The following ARHGAP35 variants were observed in gnomAD, a reference collection of about 807,000 sequenced individuals.
The protein encoded by ARHGAP35 is Rho GTPase activating protein 35.
In ARHGAP35, 15 loss-of-function variants were observed where a neutral mutation model predicts 111.1. The observed-to-expected ratio is 0.13, with a 90% CI of 0.09 to 0.21. The LOEUF (loss-of-function observed/expected upper bound fraction) is 0.21, where lower values mean the gene tolerates loss of function less well. ARHGAP35 is among the 10% of genes least tolerant of loss of function. ARHGAP35 has a pLI of 1.00. For missense variants in ARHGAP35, 1,262 were observed against 1,873.0 expected (o/e 0.67, Z 6.02); for synonymous variants, 643 against 710.3 (o/e 0.91, Z 1.51).
intron 2 of ARHGAP35, among the ~76,000 whole-genome samples, chr19:46,928,770 A>G (rs1334462242): frequency 2.6e-5 from 4 of 152,146 alleles, no homozygotes; most frequent in Non-Finnish European, 5.9e-5. Flanking sequence ...CGTCTCTACA[A>G]AAAATACAAA....
intron 1 of ARHGAP35, among the ~76,000 whole-genome samples, chr19:46,878,269 C>T (rs370333672): frequency 1.3e-5 from 2 of 152,222 alleles, no homozygotes; most frequent in African/African-American, 4.8e-5. Context: ...GTGATCCACC[C>T]ACCTCGGCTT....
At chr19:46,891,838 AAAG>A (rs2056025495) in intron 1 of ARHGAP35, among the ~76,000 whole-genome samples, 1 of 152,136 alleles carries the variant, frequency 6.6e-6, no homozygotes, top group Non-Finnish European at 1.5e-5. Flanking sequence ...TTAACTGCCA[AAAG>A]ATTAAGAATT....
At chr19:46,863,808 C>T (rs998669363) in intron 1 of ARHGAP35, among the ~76,000 whole-genome samples, 2 of 152,196 alleles carry the variant, frequency 1.3e-5, no homozygotes, top group Non-Finnish European at 2.9e-5. Context: ...TCCCTAATGG[C>T]CTCTGGTTTG....
chr19:46,895,165 CTTT>C (rs942875389), intron 1 of ARHGAP35, among the ~76,000 whole-genome samples: 5 of 136,610 alleles, frequency 3.7e-5, no homozygotes, highest in Admixed American at 7.4e-5. Context: ...AGGGCAAAAT[CTTT>C]TTTTTTTTTT....
chr19:46,902,477 A>G (rs1408613194), intron 1 of ARHGAP35, among the ~76,000 whole-genome samples: 1 of 152,126 alleles, frequency 6.6e-6, no homozygotes, highest in East Asian at 1.9e-4. Flanking sequence ...GGAGCGGAGA[A>G]AGGGGTGTGA....
rs569399387 is a variant in ARHGAP35 at position 46,861,894 on chromosome 19, C to T, written c.-189+685C>T. 3.5e-5 allele frequency among the ~76,000 whole-genome samples: 5 copies of T among 143,588 alleles called. No individual in the cohort carries two copies. The South Asian group carries it at 1.1e-3, about 32-fold the overall frequency. 94.2% of individuals were successfully genotyped at this position (143,588 alleles called of 152,430 possible). A position where few individuals can be genotyped will look rare whatever the true frequency, so the allele number is the denominator to read the frequency against. On this transcript the variant is annotated intron_variant, in intron 1 of 6. Transcript: ENST00000672722. Reference sequence around the variant, plus strand: ...CCCAGGTCTTCCCCTTGGACTGAATCCCGTTCCCTCGTGGGCCCTACTACC... The same window carrying T: ...CCCAGGTCTTCCCCTTGGACTGAATTCCGTTCCCTCGTGGGCCCTACTACC...
intron 1 of ARHGAP35, among the ~76,000 whole-genome samples, chr19:46,916,759 A>ACCCCATTTTTCAG: frequency 1.3e-5 from 2 of 152,158 alleles, no homozygotes; most frequent in Admixed American, 1.3e-4. Flanking sequence ...TGTTGTTAAC[A>ACCCCATTTTTCAG]ATTTACCACC....
intron 3 of ARHGAP35, among the ~76,000 whole-genome samples, chr19:46,982,219 G>A (rs896187206): frequency 2.6e-5 from 4 of 151,306 alleles, no homozygotes; most frequent in African/African-American, 9.7e-5. Flanking sequence ...GCTCATGCCT[G>A]TAATCCCAGC....
chr19:46,996,653 G>A (rs2056710337), intron 5 of ARHGAP35, among the ~76,000 whole-genome samples: 1 of 152,172 alleles, frequency 6.6e-6, no homozygotes, highest in African/African-American at 2.4e-5. Context: ...GGTCGTGCAG[G>A]CACCTACGGA....
intron 3 of ARHGAP35, among the ~76,000 whole-genome samples, chr19:46,975,237 A>G (rs1484814191): frequency 6.6e-6 from 1 of 152,080 alleles, no homozygotes; most frequent in Non-Finnish European, 1.5e-5. Context: ...ACTTTGGGGA[A>G]CTCTGTGCTA....
chr19:46,999,181 G>T lies in ARHGAP35; in HGVS notation c.4037-123G>T. The T allele has an allele frequency of 1.5e-6, 1 of 652,880 alleles. No homozygotes were observed. The allele number at this position is 652,880 out of a possible 1,614,324, so 40.4% of individuals were successfully genotyped here. On this transcript the variant is annotated intron_variant, in intron 5 of 6. Coordinates refer to ENST00000672722, the MANE Select transcript of ARHGAP35 (RefSeq NM_004491.5). The surrounding 1 kb of genome is among the most constrained non-coding windows in gnomAD (Gnocchi z 5.4). ...TTGGGCACAGGCTTTGGGGGAAAGA[G>T]TGGGGTTAGTGTCATCCAAAAGCCC...
In ARHGAP35 at chr19:47,000,800, C is replaced by A; in HGVS notation, c.*112C>A. 6.5e-7 allele frequency: 1 copy of A among 1,544,436 alleles called. No homozygotes were observed. The highest frequency in any genetic ancestry group is 1.2e-5 in the South Asian group (1 of 83,598). On this transcript the variant is annotated 3_prime_UTR_variant, in exon 7 of 7. Coordinates refer to ENST00000672722, the MANE Select transcript of ARHGAP35 (RefSeq NM_004491.5). This position sits in a 1 kb window ranked among gnomAD's most constrained non-coding sequence, Gnocchi z 6.9. ...ACAGAGGCAGGGGCAAGTGGCTCTC[C>A]CCATTACCTTCTCAAGACCTCAGTG...
Position 46,921,103 on chromosome 19 carries a change from A to G in ARHGAP35, c.2428A>G (p.Lys810Glu), listed in dbSNP as rs765836598. The G allele has an allele frequency of 1.2e-6, 2 of 1,614,026 alleles. No homozygotes were observed. Among genetic ancestry groups the G allele is most frequent in the Non-Finnish European group, 1.7e-6 (2 of 1,179,896 alleles). Residue 810 changes from lysine (K) to glutamate (E), a missense_variant, in exon 2 of 7, where the codon AAA becomes GAA. Transcript: ENST00000672722. This position sits in a 1 kb window ranked among gnomAD's most constrained non-coding sequence, Gnocchi z 4.3. The stretch of plus-strand genomic sequence containing the variant: ...TCCTGTCCTTCAGTCCCAAACCTGT[A>G]AATCTTCCCATTGTGGAAGCAACAA... ...LFPVLQSQTC[K>E]SSHCGSNNSV... is the part of the protein sequence containing the mutation.
intron 3 of ARHGAP35, among the ~76,000 whole-genome samples, chr19:46,965,466 T>G (rs892905717): frequency 7.3e-5 from 11 of 150,272 alleles, no homozygotes; most frequent in African/African-American, 2.5e-4. Context: ...TTCTTGGGTT[T>G]TTTGTTTGTT....
chr19:46,991,617 C>T (rs945970586), intron 5 of ARHGAP35, among the ~76,000 whole-genome samples: 1 of 152,170 alleles, frequency 6.6e-6, no homozygotes, highest in Non-Finnish European at 1.5e-5. Context: ...GCGGGGGCTC[C>T]GTTGTCTTGA....
chr19:46,963,483 G>A (rs533666996), intron 3 of ARHGAP35, among the ~76,000 whole-genome samples: 1 of 152,186 alleles, frequency 6.6e-6, no homozygotes, highest in South Asian at 2.1e-4. Flanking sequence ...ACTGGCCTCA[G>A]CAAATCCCAT....
intron 2 of ARHGAP35, 124 bp from the exon 3 acceptor site, chr19:46,937,140 A>C (rs2056314217): frequency 8.2e-7 from 1 of 1,217,054 alleles, no homozygotes; most frequent in African/African-American, 1.5e-5. Context: ...GTATCCAGCC[A>C]CTTCTTGACA....
chr19:46,936,511 C>G (rs554275801), intron 2 of ARHGAP35, among the ~76,000 whole-genome samples: 43 of 152,258 alleles, frequency 2.8e-4, no homozygotes, highest in African/African-American at 9.6e-4. Context: ...TGCCTGCTCT[C>G]TTTTCTAGAA....
At chr19:46,905,753 T>C (rs530919948) in intron 1 of ARHGAP35, among the ~76,000 whole-genome samples, 83 of 152,238 alleles carry the variant, frequency 5.5e-4, no homozygotes, top group Non-Finnish European at 9.8e-4. Context: ...GGTTTCACCA[T>C]GTTGGCCAGG....
Sources: allele counts gnomAD v4.1 joint callset (sites outside exome capture counted in the v4.1 genomes callset), GRCh38; gene constraint gnomAD v4.1.1; non-coding constraint Gnocchi (gnomAD v3.1); transcripts MANE v1.5; gene names NCBI Gene and HGNC (gene_info 2026-07-23, HGNC 2026-07-21).